Variants in CDA observed in about 807,000 individuals in gnomAD.
The protein encoded by CDA is cytidine deaminase.
In CDA, 7 loss-of-function variants were observed where a neutral mutation model predicts 15.0. The ratio of observed to expected loss-of-function variants is 0.47; its 90% CI spans 0.26 to 0.87. The LOEUF (loss-of-function observed/expected upper bound fraction) is 0.87. Among genes scored for constraint, CDA ranks in the 40% least tolerant of loss-of-function variants. CDA has a pLI of 0.15. For missense variants in CDA, 159 were observed against 182.7 expected (o/e 0.87, Z 0.75); for synonymous variants, 58 against 73.0 (o/e 0.79, Z 1.05).
intron 1 of CDA, among the ~76,000 whole-genome samples, chr1:20,602,174 G>A (rs963570732): frequency 6.7e-6 from 1 of 149,872 alleles, no homozygotes; most frequent in East Asian, 2.0e-4. Flanking sequence ...GGGAGGGGAG[G>A]GGAGGGAAGG....
At chr1:20,594,224 A>G (rs2101175928) in intron 1 of CDA, among the ~76,000 whole-genome samples, 1 of 152,296 alleles carries the variant, frequency 6.6e-6, no homozygotes, top group African/African-American at 2.4e-5. Flanking sequence ...AGACTTCATA[A>G]TGATCATCAT....
intron 2 of CDA, among the ~76,000 whole-genome samples, chr1:20,613,285 C>A (rs1158125733): frequency 6.6e-6 from 1 of 151,800 alleles, no homozygotes; most frequent in African/African-American, 2.4e-5. Context: ...CTCACTGCAA[C>A]CTTTGCCTCC....
chr1:20,598,728 C>T (rs1041068510), intron 1 of CDA, among the ~76,000 whole-genome samples: 24 of 152,186 alleles, frequency 1.6e-4, no homozygotes, highest in African/African-American at 5.1e-4. Flanking sequence ...TGCCCCCTCA[C>T]GACCTAATCT....
At chr1:20,593,930 G>T (rs991189558) in intron 1 of CDA, among the ~76,000 whole-genome samples, 7 of 152,174 alleles carry the variant, frequency 4.6e-5, no homozygotes, top group African/African-American at 1.7e-4. Context: ...CAGAATAGGG[G>T]GTGGATGCAG....
At chr1:20,605,412 C>A (rs1168676846) in intron 2 of CDA, among the ~76,000 whole-genome samples, 1 of 151,728 alleles carries the variant, frequency 6.6e-6, no homozygotes, top group African/African-American at 2.4e-5. Context: ...GTAATCCCAG[C>A]ACTTTGGGAG....
intron 1 of CDA, among the ~76,000 whole-genome samples, chr1:20,596,886 A>C (rs1033185546): frequency 6.7e-6 from 1 of 149,868 alleles, no homozygotes; most frequent in Non-Finnish European, 1.5e-5. Context: ...TTAGCCTCCC[A>C]AGTAGCTGAG....
chr1:20,603,048 G>A (rs890624845), intron 1 of CDA, among the ~76,000 whole-genome samples: 4 of 152,162 alleles, frequency 2.6e-5, no homozygotes, highest in African/African-American at 7.2e-5. Context: ...TGGGTACCAC[G>A]GCCTGCCTTC....
chr1:20,605,037 C>T lies in CDA; in HGVS notation c.264C>T (p.Ala88=). 6.3e-7 allele frequency: 1 copy of T among 1,594,328 alleles called. No individual in the cohort carries two copies. Among genetic ancestry groups the T allele is most frequent in the South Asian group, 1.1e-5 (1 of 90,490 alleles). Residue 88 remains alanine, a splice_region_variant and synonymous_variant, in exon 2 of 4, where the codon GCC becomes GCT. Transcript: ENST00000375071. ...GYKDFRAIAI[A]SDMQDDFISP... is the part of the protein sequence containing the mutation. ...AGGATTTCAGGGCAATTGCTATCGC[C>T]AGGTGAGTGGGAAAGCCAGGTTGCA... is the stretch of plus-strand genomic sequence containing the variant.
intron 1 of CDA, among the ~76,000 whole-genome samples, chr1:20,591,770 A>C (rs1454815916): frequency 6.6e-6 from 1 of 152,102 alleles, no homozygotes; most frequent in Non-Finnish European, 1.5e-5. Flanking sequence ...GGTGTTTATC[A>C]ACTGTGTGAC....
intron 3 of CDA, among the ~76,000 whole-genome samples, chr1:20,617,613 TC>T: frequency 6.6e-6 from 1 of 152,280 alleles, no homozygotes; most frequent in Non-Finnish European, 1.5e-5. Context: ...CCTTTGCTCT[TC>T]CTTCCTCTTC....
At position 20,591,062 on chromosome 1, in the gene CDA, G is replaced by A. The variant is rs561957441; in HGVS notation, c.154+1779G>A. On this transcript the variant is annotated intron_variant, in intron 1 of 3. Coordinates refer to ENST00000375071, the MANE Select transcript of CDA (RefSeq NM_001785.3). ...TCTTGTTTTAAAACCCACAATAGTCGGGCATGGTGGCTCACGCCTGTAACC... is the reference window on the plus strand; with the variant it reads ...TCTTGTTTTAAAACCCACAATAGTCAGGCATGGTGGCTCACGCCTGTAACC... 5.3e-5 allele frequency among the ~76,000 whole-genome samples: 8 copies of A among 152,292 alleles called. No individual in the cohort carries two copies. The South Asian group carries it at 1.2e-3, about 24-fold the overall frequency.
chr1:20,604,021 G>A (rs1557548447), intron 1 of CDA, among the ~76,000 whole-genome samples: 1 of 150,820 alleles, frequency 6.6e-6, no homozygotes, highest in Non-Finnish European at 1.5e-5. Flanking sequence ...CAGGCAACTC[G>A]CACAAAGCTC....
At chr1:20,615,507 A>C (rs1214467662) in intron 3 of CDA, among the ~76,000 whole-genome samples, 1 of 151,668 alleles carries the variant, frequency 6.6e-6, no homozygotes, top group Non-Finnish European at 1.5e-5. Context: ...AAACAAAAAA[A>C]TGAAAACGAA....
chr1:20,598,049 C>A (rs986915726), intron 1 of CDA, among the ~76,000 whole-genome samples: 1 of 152,126 alleles, frequency 6.6e-6, no homozygotes, highest in African/African-American at 2.4e-5. Flanking sequence ...TCAGGCCATG[C>A]TGTGGTTTGA....
intron 1 of CDA, among the ~76,000 whole-genome samples, chr1:20,595,509 G>A (rs2052584880): frequency 6.6e-6 from 1 of 152,134 alleles, no homozygotes; most frequent in African/African-American, 2.4e-5. Flanking sequence ...GTCTAGGTAA[G>A]AGCAAGCTTC....
At chr1:20,602,872 C>T (rs530646089) in intron 1 of CDA, among the ~76,000 whole-genome samples, 166 of 152,318 alleles carry the variant, frequency 1.1e-3, no homozygotes, top group Non-Finnish European at 1.9e-3. Flanking sequence ...TGAAGCCTGC[C>T]AACTCTGGCA....
intron 3 of CDA, among the ~76,000 whole-genome samples, chr1:20,616,672 A>C (rs911859385): frequency 3.9e-5 from 6 of 152,184 alleles, no homozygotes; most frequent in African/African-American, 1.2e-4. Context: ...GAGAGAAGGC[A>C]AATGAAAAAG....
intron 1 of CDA, among the ~76,000 whole-genome samples, chr1:20,599,220 C>T (rs754658485): frequency 6.6e-6 from 1 of 152,138 alleles, no homozygotes; most frequent in Non-Finnish European, 1.5e-5. Flanking sequence ...AGGGGAGCAG[C>T]TGGAAGGACA....
At chr1:20,594,796 A>AAAG (rs2052578229) in intron 1 of CDA, among the ~76,000 whole-genome samples, 1 of 151,688 alleles carries the variant, frequency 6.6e-6, no homozygotes, top group Admixed American at 6.6e-5. Flanking sequence ...CTCAAAAAAA[A>AAAG]AAAAAAGAAA....
Sources: allele counts gnomAD v4.1 joint callset (sites outside exome capture counted in the v4.1 genomes callset), GRCh38; gene constraint gnomAD v4.1.1; transcripts MANE v1.5; gene names NCBI Gene and HGNC (gene_info 2026-07-23, HGNC 2026-07-21).